The following ARMC9 variants were observed in gnomAD, a reference collection of about 807,000 sequenced individuals.
ARMC9 encodes armadillo repeat containing 9.
In ARMC9, 94 loss-of-function variants were observed where a neutral mutation model predicts 107.0. The ratio of observed to expected loss-of-function variants is 0.88; its 90% CI spans 0.74 to 1.04. The LOEUF (loss-of-function observed/expected upper bound fraction) is 1.04. ARMC9 is among the 50% of genes least tolerant of loss of function. The pLI is 0.00. For missense variants in ARMC9, 942 were observed against 1,030.1 expected, an observed-to-expected ratio of 0.91 and a Z score of 1.17; for synonymous variants, 380 against 396.9, an observed-to-expected ratio of 0.96 and a Z score of 0.51.
At chr2:231,221,535 T>C (rs974710578) in intron 5 of ARMC9, among the ~76,000 whole-genome samples, 1 of 151,846 alleles carries the variant, frequency 6.6e-6, no homozygotes, top group African/African-American at 2.4e-5. Context: ...TTTAAAAATA[T>C]AAGAACTCTC....
chr2:231,367,381 C>T (rs116607152), intron 23 of ARMC9, among the ~76,000 whole-genome samples: 1,948 of 152,174 alleles, frequency 0.013, 47 homozygotes, highest in African/African-American at 0.043. Flanking sequence ...GGCTTTAAGG[C>T]GCCATATGGA....
intron 20 of ARMC9, among the ~76,000 whole-genome samples, chr2:231,337,171 CTAT>C (rs2044151864): frequency 6.6e-6 from 1 of 150,882 alleles, no homozygotes; most frequent in Non-Finnish European, 1.5e-5. Context: ...CCTTTTCAGT[CTAT>C]TATTCCTGCC....
intron 19 of ARMC9, among the ~76,000 whole-genome samples, chr2:231,328,477 C>T (rs1316401284): frequency 6.6e-6 from 1 of 152,104 alleles, no homozygotes; most frequent in East Asian, 1.9e-4. Context: ...ACGTTTAAGT[C>T]CATGATTCAT....
chr2:231,355,846 C>T lies in ARMC9; in HGVS notation c.2043C>T (p.Asn681=), dbSNP rs758933224. Residue 681 remains asparagine (N), a synonymous_variant, in exon 22 of 25, where the codon AAC becomes AAT. Coordinates refer to ENST00000611582, the MANE Select transcript of ARMC9 (RefSeq NM_001352754.2). ...TPPQTAQHAR[N]GHPQALPAAH... is the part of the protein sequence containing the mutation. ...CCCAGACAGCCCAGCACGCCAGAAA[C>T]GGCCACCCGCAGGCCCTGCCAGCCG... is the stretch of plus-strand genomic sequence containing the variant. 2.2e-5 allele frequency: 34 copies of T among 1,536,036 alleles called. No individual in the cohort carries two copies. Among genetic ancestry groups the T allele is most frequent in the Middle Eastern group, 3.3e-4 (2 of 6,010 alleles).
At chr2:231,254,024 G>C (rs1038948157) in intron 9 of ARMC9, among the ~76,000 whole-genome samples, 1 of 152,094 alleles carries the variant, frequency 6.6e-6, no homozygotes, top group African/African-American at 2.4e-5. Context: ...AGGTGATGTT[G>C]GATGGCCTGG....
intron 19 of ARMC9, among the ~76,000 whole-genome samples, chr2:231,321,184 T>A (rs150213049): frequency 6.6e-6 from 1 of 152,390 alleles, no homozygotes; most frequent in Non-Finnish European, 1.5e-5. Context: ...TCAGCTGTTT[T>A]TAACGCCGCC....
chr2:231,275,317 G>A (rs565396881), intron 14 of ARMC9, among the ~76,000 whole-genome samples: 21 of 152,254 alleles, frequency 1.4e-4, no homozygotes, highest in African/African-American at 4.6e-4. Flanking sequence ...CTGCGCATCC[G>A]GAGATGTGCA....
At chr2:231,321,831 C>T (rs2043013611) in intron 19 of ARMC9, among the ~76,000 whole-genome samples, 1 of 152,182 alleles carries the variant, frequency 6.6e-6, no homozygotes. Context: ...TGGAAGCTTT[C>T]TGCTCTTTCA....
At chr2:231,288,264 A>G (rs146203447) in intron 17 of ARMC9, among the ~76,000 whole-genome samples, 19 of 152,338 alleles carry the variant, frequency 1.2e-4, no homozygotes, top group African/African-American at 3.8e-4. Flanking sequence ...ACATATTATC[A>G]GTATATTCTG....
intron 5 of ARMC9, among the ~76,000 whole-genome samples, chr2:231,221,975 A>G (rs996486098): frequency 6.6e-6 from 1 of 151,994 alleles, no homozygotes; most frequent in African/African-American, 2.4e-5. Flanking sequence ...GTGGGGAAGG[A>G]TGGAAAGGTC....
Position 231,360,883 on chromosome 2 carries a change from G to A in ARMC9, c.2261G>A (p.Arg754Lys), listed in dbSNP as rs912881295. 2.6e-6 allele frequency: 4 copies of A among 1,525,612 alleles called. No homozygotes were observed. In the African/African-American group the frequency reaches 5.5e-5, roughly 21 times the overall value. 94.5% of individuals were successfully genotyped at this position (1,525,612 alleles called of 1,614,324 possible). ...PQDPGNGVTT[R>K]ECASAFTCKP... ...GACCCAGGCAATGGAGTGACCACCA[G>A]GTAAGGGGGATATCACAAGGCCTCG... The change falls in exon 23 of 25, where the codon AGG becomes AAG. Residue 754 changes from arginine to lysine, a missense_variant and splice_region_variant. By Grantham distance (26) the Arg-to-Lys change is conservative. Transcript: ENST00000611582. This position sits in a 1 kb window ranked among gnomAD's most constrained non-coding sequence, Gnocchi z 4.7.
intron 8 of ARMC9, among the ~76,000 whole-genome samples, chr2:231,238,280 C>T (rs1194846980): frequency 6.6e-6 from 1 of 151,950 alleles, no homozygotes; most frequent in Non-Finnish European, 1.5e-5. Context: ...TATATGTGAA[C>T]ATGTTTCTAG....
chr2:231,210,015 A>G (rs546863500), intron 3 of ARMC9, among the ~76,000 whole-genome samples: 10 of 152,286 alleles, frequency 6.6e-5, no homozygotes, highest in Non-Finnish European at 1.5e-4. Flanking sequence ...AAATTTTAAC[A>G]TACCTACTTC....
chr2:231,361,898 GCAGAC>G (rs2045601675), intron 23 of ARMC9, among the ~76,000 whole-genome samples: 1 of 152,184 alleles, frequency 6.6e-6, no homozygotes, highest in African/African-American at 2.4e-5. Context: ...ATGGGGAGTG[GCAGAC>G]AGGAGGAGGA....
At chr2:231,331,539 G>A (rs973284228) in intron 19 of ARMC9, among the ~76,000 whole-genome samples, 7 of 152,266 alleles carry the variant, frequency 4.6e-5, no homozygotes, top group Admixed American at 1.3e-4. Flanking sequence ...TGGAACCTCC[G>A]CACAACTAAG....
intron 20 of ARMC9, among the ~76,000 whole-genome samples, chr2:231,337,290 A>ATATAT (rs1343774735): frequency 2.6e-4 from 10 of 38,018 alleles, no homozygotes; most frequent in Admixed American, 4.1e-4. Flanking sequence ...ATATATATAT[A>ATATAT]TTTTTTTTTT....
chr2:231,342,433 G>A (rs1467247429), intron 20 of ARMC9, among the ~76,000 whole-genome samples: 1 of 152,200 alleles, frequency 6.6e-6, no homozygotes, highest in African/African-American at 2.4e-5. Flanking sequence ...TGGGAGGAGC[G>A]AGCTCAGATG....
rs1362443194 is a variant in ARMC9, at chr2:231,373,692, A to T, written c.*2157A>T. On this transcript the variant is annotated 3_prime_UTR_variant, in exon 25 of 25. Transcript: ENST00000611582. This position sits in a 1 kb window ranked among gnomAD's most constrained non-coding sequence, Gnocchi z 4.4. The stretch of plus-strand genomic sequence containing the variant: ...GGCGGATGGATCACTTGAGGCCTCC[A>T]GGAGTTCGAGACCAGCCTGGCCAAC... 2.0e-5 allele frequency: 3 copies of T among 152,208 alleles called. No homozygotes were observed. The highest frequency in any genetic ancestry group is 7.2e-5 in the African/African-American group (3 of 41,442). The allele number at this position is 152,208 out of a possible 1,614,324, so 9.4% of individuals were successfully genotyped here.
At chr2:231,317,955 T>C (rs544858451) in intron 19 of ARMC9, among the ~76,000 whole-genome samples, 152 of 152,246 alleles carry the variant, frequency 1.0e-3, no homozygotes, top group African/African-American at 3.2e-3. Flanking sequence ...TTATAATAGC[T>C]GCTTTGAAGT....
Sources: allele counts gnomAD v4.1 joint callset (sites outside exome capture counted in the v4.1 genomes callset), GRCh38; gene constraint gnomAD v4.1.1; non-coding constraint Gnocchi (gnomAD v3.1); transcripts MANE v1.5; gene names NCBI Gene and HGNC (gene_info 2026-07-23, HGNC 2026-07-21).